The following KANSL1 variants were observed in gnomAD, a reference collection of about 807,000 sequenced individuals.
The protein encoded by KANSL1 is KAT8 regulatory NSL complex subunit 1.
In KANSL1, 22 loss-of-function variants were observed where a neutral mutation model predicts 103.6. That is an observed-to-expected ratio of 0.21 (90% confidence interval 0.15 to 0.30). The LOEUF is 0.30. Among genes scored for constraint, KANSL1 ranks in the 10% least tolerant of loss-of-function variants. KANSL1 has a pLI of 1.00. For synonymous variants in KANSL1, 600 were observed against 527.6 expected (o/e 1.14, Z -1.88); for missense variants, 1,337 against 1,399.8 (o/e 0.96, Z 0.72).
chr17:46,193,261 C>T lies in KANSL1; in HGVS notation c.-528G>A. ...CGGCCGCCTCTTTCCAGCCGGGGAG[C>T]GCGCTTCAGCCGCCCCCCGCGCCGC... On this transcript the variant is annotated 5_prime_UTR_variant, in exon 1 of 15. Coordinates refer to ENST00000432791, the MANE Select transcript of KANSL1 (RefSeq NM_015443.4). 6.6e-6 allele frequency: 1 copy of T among 152,618 alleles called. No homozygotes were observed. 9.5% of individuals were successfully genotyped at this position (152,618 alleles called of 1,614,324 possible). A position where few individuals can be genotyped will look rare whatever the true frequency, so the allele number is the denominator to read the frequency against.
At chr17:46,154,243 T>C (rs1467672147) in intron 2 of KANSL1, among the ~76,000 whole-genome samples, 4 of 152,228 alleles carry the variant, frequency 2.6e-5, no homozygotes, top group Non-Finnish European at 4.4e-5. Flanking sequence ...TATACGTTAC[T>C]GGCAATGAGG....
chr17:46,168,351 AT>A (rs539921890), intron 2 of KANSL1, among the ~76,000 whole-genome samples: 16,871 of 143,752 alleles, frequency 0.12, 3 homozygotes, highest in Non-Finnish European at 0.17. Context: ...TTTAAATACA[AT>A]TTTTTTTTTT....
intron 1 of KANSL1, among the ~76,000 whole-genome samples, chr17:46,185,387 G>A (rs939473779): frequency 6.6e-6 from 1 of 152,166 alleles, no homozygotes; most frequent in African/African-American, 2.4e-5. Flanking sequence ...CCAAGCACCT[G>A]TACCCAGACT....
chr17:46,105,979 A>G (rs1206891787), intron 2 of KANSL1, among the ~76,000 whole-genome samples: 1 of 151,522 alleles, frequency 6.6e-6, no homozygotes, highest in East Asian at 1.9e-4. Flanking sequence ...GCAGAAAAGT[A>G]CAGTGTATTG....
intron 2 of KANSL1, among the ~76,000 whole-genome samples, chr17:46,155,288 G>A (rs1197976850): frequency 1.3e-5 from 2 of 151,274 alleles, no homozygotes; most frequent in East Asian, 2.0e-4. Flanking sequence ...TTCCCAAGTA[G>A]CTGGGACTAC....
rs1307254549 is a variant in KANSL1 at position 46,111,580 on chromosome 17, A to G, written c.1290-16879T>C. Among the ~76,000 whole-genome samples, 3 of 152,256 alleles carry G rather than the reference A, an allele frequency of 2.0e-5. No individual in the cohort carries two copies. In the East Asian group the frequency reaches 5.8e-4, roughly 29 times the overall value. ...TGCCATTATACAACAAGTATAATCA[A>G]TAGATACGGATGGTATTTGAACTAG... is the stretch of plus-strand genomic sequence containing the variant. On this transcript the variant is annotated intron_variant, in intron 2 of 14. Transcript: ENST00000432791.
At chr17:46,073,412 CCTT>C (rs1205960405) in intron 4 of KANSL1, among the ~76,000 whole-genome samples, 3 of 151,914 alleles carry the variant, frequency 2.0e-5, no homozygotes, top group African/African-American at 4.8e-5. Context: ...ACAAAACCCT[CCTT>C]AACGTCAAAT....
intron 2 of KANSL1, among the ~76,000 whole-genome samples, chr17:46,149,807 A>G (rs1047664012): frequency 7.2e-5 from 11 of 151,874 alleles, no homozygotes; most frequent in Admixed American, 5.9e-4. Context: ...GGAGATCGAG[A>G]CCATCCTGGC....
At chr17:46,122,838 T>C (rs1473900641) in intron 2 of KANSL1, among the ~76,000 whole-genome samples, 1 of 152,210 alleles carries the variant, frequency 6.6e-6, no homozygotes, top group African/African-American at 2.4e-5. Flanking sequence ...CCATAAAAGA[T>C]GGAAAACTTA....
chr17:46,040,067 T>C, intron 7 of KANSL1, 183 bp from the exon 8 acceptor site: 1 of 505,506 alleles, frequency 2.0e-6, no homozygotes, highest in South Asian at 3.6e-5. Flanking sequence ...TGCAAGCAGG[T>C]CACTTTAGCT....
chr17:46,096,136 AT>A (rs60771086), intron 2 of KANSL1, among the ~76,000 whole-genome samples: 1,534 of 137,328 alleles, frequency 0.011, 21 homozygotes, highest in African/African-American at 0.031. Flanking sequence ...ATGATACTGT[AT>A]TTTTTTTTTT....
chr17:46,078,931 T>C (rs1411253310), intron 4 of KANSL1, among the ~76,000 whole-genome samples: 1 of 152,242 alleles, frequency 6.6e-6, no homozygotes, highest in Non-Finnish European at 1.5e-5. Context: ...ACACGACTTA[T>C]CGGCAGCTAC....
intron 2 of KANSL1, among the ~76,000 whole-genome samples, chr17:46,156,572 C>T (rs754955133): frequency 3.9e-4 from 60 of 152,214 alleles, no homozygotes; most frequent in Non-Finnish European, 6.2e-4. Context: ...ATACTTAGTA[C>T]ACAATGCCTA....
intron 6 of KANSL1, among the ~76,000 whole-genome samples, chr17:46,062,118 C>CAAAAAAAAAAA (rs66529773): frequency 2.8e-5 from 3 of 108,780 alleles, no homozygotes; most frequent in African/African-American, 3.6e-5. Context: ...AACAAACAAA[C>CAAAAAAAAAAA]AAAAAAAAAA....
At chr17:46,103,719 T>TA (rs2042414386) in intron 2 of KANSL1, among the ~76,000 whole-genome samples, 1 of 152,192 alleles carries the variant, frequency 6.6e-6, no homozygotes, top group Non-Finnish European at 1.5e-5. Context: ...CCCATACTTC[T>TA]AAACTTGATA....
At chr17:46,096,733 C>T (rs1441555002) in intron 2 of KANSL1, among the ~76,000 whole-genome samples, 4 of 151,702 alleles carry the variant, frequency 2.6e-5, no homozygotes, top group Non-Finnish European at 4.4e-5. Flanking sequence ...ATTCTCCTGC[C>T]TCAGCCTCCG....
At chr17:46,134,140 G>A (rs2044004853) in intron 2 of KANSL1, among the ~76,000 whole-genome samples, 2 of 152,226 alleles carry the variant, frequency 1.3e-5, no homozygotes, top group African/African-American at 4.8e-5. Context: ...GCTCACGCCT[G>A]TACTCCCAGC....
chr17:46,196,454 G>A, upstream of KANSL1: 1 of 455,332 alleles, frequency 2.2e-6, no homozygotes, highest in South Asian at 1.6e-5. Flanking sequence ...TAAAAATGAT[G>A]GAGGAAAAAA....
intron 4 of KANSL1, among the ~76,000 whole-genome samples, chr17:46,070,527 A>C (rs1200108356): frequency 1.3e-5 from 2 of 152,176 alleles, no homozygotes; most frequent in Non-Finnish European, 2.9e-5. Flanking sequence ...AAGGCTAAAC[A>C]AATATGGTAT....
Sources: allele counts gnomAD v4.1 joint callset (sites outside exome capture counted in the v4.1 genomes callset), GRCh38; gene constraint gnomAD v4.1.1; transcripts MANE v1.5; gene names NCBI Gene and HGNC (gene_info 2026-07-23, HGNC 2026-07-21).